DPYD: variants seen among roughly 807,000 people sequenced by gnomAD.
The protein encoded by DPYD is dihydropyrimidine dehydrogenase [NADP(+)].
Under a neutral mutation model 116.2 loss-of-function variants are expected in DPYD, and 109 were observed. The ratio of observed to expected loss-of-function variants is 0.94; its 90% CI spans 0.80 to 1.10. The LOEUF (loss-of-function observed/expected upper bound fraction) is 1.10, where lower values mean the gene tolerates loss of function less well. Among genes scored for constraint, DPYD ranks in the 50% least tolerant of loss-of-function variants. The probability of loss-of-function intolerance (pLI) is 0.00; values close to 1 mark genes in which losing one functional copy is unlikely to be tolerated. For missense variants in DPYD, 1,302 were observed against 1,254.5 expected (o/e 1.04, Z -0.57); for synonymous variants, 440 against 432.0 (o/e 1.02, Z -0.23).
rs968266066 is a variant in DPYD, at chr1:97,845,937, A to G, written c.151-17741T>C. 2.6e-5 allele frequency among the ~76,000 whole-genome samples: 4 copies of G among 152,140 alleles called. No homozygotes were observed. The East Asian group carries it at 7.7e-4, about 29-fold the overall frequency. ...AGCCGGGACCTGTACCAGTGCCTGG[A>G]GCTGCCCACCCTGCTGCAGCAGCAA... On this transcript the variant is annotated intron_variant, in intron 2 of 22. Coordinates refer to ENST00000370192, the MANE Select transcript of DPYD (RefSeq NM_000110.4).
At chr1:97,662,080 AACCTCC>A (rs1659297797) in intron 8 of DPYD, among the ~76,000 whole-genome samples, 2 of 146,062 alleles carry the variant, frequency 1.4e-5, no homozygotes, top group Non-Finnish European at 3.0e-5. Flanking sequence ...AGCTCACTGC[AACCTCC>A]GCCTCCCAGG....
chr1:97,498,380 G>A (rs1193000263), intron 13 of DPYD, among the ~76,000 whole-genome samples: 7 of 151,610 alleles, frequency 4.6e-5, no homozygotes, highest in Non-Finnish European at 5.9e-5. Flanking sequence ...TTATATTTTC[G>A]TATTCTGAAT....
chr1:97,720,268 T>C, intron 5 of DPYD: 1 of 985,186 alleles, frequency 1.0e-6, no homozygotes, highest in Non-Finnish European at 1.2e-6. Context: ...CTGTGTTAGT[T>C]GATATACATA....
At chr1:97,152,951 T>G (rs1655143258) in intron 20 of DPYD, among the ~76,000 whole-genome samples, 1 of 152,168 alleles carries the variant, frequency 6.6e-6, no homozygotes, top group African/African-American at 2.4e-5. Context: ...CTCTGCCATG[T>G]AGTTAATGGT....
intron 13 of DPYD, among the ~76,000 whole-genome samples, chr1:97,478,213 A>T (rs1557739729): frequency 6.6e-6 from 1 of 152,192 alleles, no homozygotes; most frequent in African/African-American, 2.4e-5. Flanking sequence ...CTGTAAATAG[A>T]TGTGCTGTCA....
At chr1:97,180,986 CA>C (rs780273280) in intron 20 of DPYD, among the ~76,000 whole-genome samples, 1 of 152,108 alleles carries the variant, frequency 6.6e-6, no homozygotes, top group African/African-American at 2.4e-5. Context: ...GCTACAGATT[CA>C]AAAAGCACAT....
intron 5 of DPYD, among the ~76,000 whole-genome samples, chr1:97,701,027 A>C (rs1027001963): frequency 2.0e-5 from 3 of 151,046 alleles, no homozygotes; most frequent in African/African-American, 7.3e-5. Flanking sequence ...AAATGTCAAC[A>C]TGAGAAATTA....
chr1:97,140,475 G>C (rs1020057584), intron 20 of DPYD, among the ~76,000 whole-genome samples: 2 of 152,058 alleles, frequency 1.3e-5, no homozygotes, highest in East Asian at 3.9e-4. Context: ...ATCCCACAGA[G>C]GTATCCTTTA....
chr1:97,889,749 T>C (rs1297736466), intron 1 of DPYD, among the ~76,000 whole-genome samples: 1 of 151,792 alleles, frequency 6.6e-6, no homozygotes, highest in Non-Finnish European at 1.5e-5. Context: ...CAACTATAAA[T>C]CAACAAGACC....
At chr1:97,516,278 T>C (rs1204071865) in intron 12 of DPYD, among the ~76,000 whole-genome samples, 3 of 152,044 alleles carry the variant, frequency 2.0e-5, no homozygotes, top group African/African-American at 4.8e-5. Flanking sequence ...ACTTAAGTTA[T>C]GAAAATACCT....
At chr1:97,800,480 G>A (rs1667794253) in intron 3 of DPYD, among the ~76,000 whole-genome samples, 1 of 151,704 alleles carries the variant, frequency 6.6e-6, no homozygotes, top group African/African-American at 2.4e-5. Context: ...TCTCAACACT[G>A]CACAGCAATG....
chr1:97,907,612 T>C (rs540628399), intron 1 of DPYD, among the ~76,000 whole-genome samples: 1 of 152,264 alleles, frequency 6.6e-6, no homozygotes, highest in East Asian at 1.9e-4. Flanking sequence ...ATTTAATAAA[T>C]ACTGTCTCTT....
At chr1:97,756,182 G>C (rs970081962) in intron 3 of DPYD, among the ~76,000 whole-genome samples, 1 of 152,144 alleles carries the variant, frequency 6.6e-6, no homozygotes, top group Non-Finnish European at 1.5e-5. Context: ...TGTAACCAAA[G>C]AGATCATAAT....
chr1:97,806,373 C>T (rs1377725454), intron 3 of DPYD, among the ~76,000 whole-genome samples: 2 of 151,740 alleles, frequency 1.3e-5, no homozygotes, highest in African/African-American at 2.4e-5. Context: ...TAGTATGTTA[C>T]TGTCGTTTTA....
At chr1:97,344,958 G>A (rs887824997) in intron 16 of DPYD, among the ~76,000 whole-genome samples, 1 of 151,876 alleles carries the variant, frequency 6.6e-6, no homozygotes, top group South Asian at 2.1e-4. Context: ...ATATGAAAGT[G>A]ACTGCTTCCC....
At chr1:97,270,121 T>C (rs1441457848) in intron 18 of DPYD, among the ~76,000 whole-genome samples, 2 of 152,134 alleles carry the variant, frequency 1.3e-5, no homozygotes, top group Non-Finnish European at 2.9e-5. Context: ...GAGTGGCATA[T>C]AGAAAGCACT....
At chr1:97,740,602 C>G (rs41309171) in intron 3 of DPYD, 123 bp from the exon 4 acceptor site, 9,105 of 856,890 alleles carry the variant, frequency 0.011, 72 homozygotes, top group Admixed American at 0.017. Flanking sequence ...TTTTTAGGTA[C>G]AAAACATTTT....
intron 5 of DPYD, among the ~76,000 whole-genome samples, chr1:97,709,051 A>G (rs1183965769): frequency 2.0e-5 from 3 of 151,894 alleles, no homozygotes; most frequent in Admixed American, 6.6e-5. Context: ...AATTTTCTAC[A>G]TAGACAATTC....
intron 18 of DPYD, among the ~76,000 whole-genome samples, chr1:97,235,962 C>G (rs755296409): frequency 1.3e-5 from 2 of 152,096 alleles, no homozygotes; most frequent in Non-Finnish European, 2.9e-5. Context: ...CCAGACATTA[C>G]CAGTATATTA....
Sources: gnomAD v4.1 joint callset for allele counts (sites outside exome capture counted in the v4.1 genomes callset) on GRCh38, gnomAD v4.1.1 for gene constraint, MANE v1.5 for transcripts, NCBI Gene and HGNC (gene_info 2026-07-23, HGNC 2026-07-21) for gene names.